CCDC33: variants seen among roughly 807,000 people sequenced by gnomAD.
The protein encoded by CCDC33 is coiled-coil domain containing 33, also known as coiled-coil domain-containing protein 33.
CCDC33 carries 94 observed loss-of-function variants against 91.9 expected under a neutral mutation model. The ratio of observed to expected loss-of-function variants is 1.02; its 90% CI spans 0.87 to 1.21. The LOEUF (loss-of-function observed/expected upper bound fraction) is 1.21. CCDC33 is among the 50% of genes most tolerant of loss of function. The probability of loss-of-function intolerance (pLI) is 0.00; values close to 1 mark genes in which losing one functional copy is unlikely to be tolerated. For synonymous variants in CCDC33, 396 were observed against 374.5 expected (o/e 1.06, Z -0.66); for missense variants, 940 against 935.5 (o/e 1.00, Z -0.06).
chr15:74,326,168 T>A (rs763338114), intron 11 of CCDC33, among the ~76,000 whole-genome samples: 12 of 152,044 alleles, frequency 7.9e-5, no homozygotes, highest in Admixed American at 6.6e-5. Flanking sequence ...TTACAAAAAA[T>A]TTAAAAATTA....
At chr15:74,235,903 G>A (rs774721383), upstream of CCDC33, among the ~76,000 whole-genome samples, 16 of 151,696 alleles carry the variant, frequency 1.1e-4, no homozygotes, top group Non-Finnish European at 1.6e-4. Context: ...TTCTCTCCCC[G>A]ATCTTCCCAC....
At chr15:74,299,177 T>C (rs1224471061) in intron 11 of CCDC33, among the ~76,000 whole-genome samples, 1 of 152,168 alleles carries the variant, frequency 6.6e-6, no homozygotes, top group African/African-American at 2.4e-5. Context: ...GAGAACTCAC[T>C]CAAGCATGCC....
chr15:74,296,845 A>T (rs1461592217), intron 11 of CCDC33, among the ~76,000 whole-genome samples: 2 of 152,176 alleles, frequency 1.3e-5, no homozygotes, highest in Non-Finnish European at 2.9e-5. Flanking sequence ...CCAAAGAGAC[A>T]GTCCAGGGAG....
intron 11 of CCDC33, among the ~76,000 whole-genome samples, chr15:74,306,653 GA>G (rs1179690472): frequency 6.6e-6 from 1 of 152,146 alleles, no homozygotes; most frequent in Admixed American, 6.5e-5. Context: ...TGTATTAATG[GA>G]GCGAATGCCT....
rs766863738 is a variant in CCDC33 at position 74,330,991 on chromosome 15, G to C, written c.1556G>C (p.Arg519Pro). 7.6e-6 allele frequency: 12 copies of C among 1,589,096 alleles called. No homozygotes were observed. The highest frequency in any genetic ancestry group is 1.1e-5 in the South Asian group (1 of 86,958). Residue 519 changes from arginine (R) to proline (P), a missense_variant, in exon 14 of 19, where the codon CGA (arginine) becomes CCA (proline). Physicochemically the swap from Arg to Pro is moderately radical, Grantham distance 103. Transcript: ENST00000398814. ...LQNELIRKND[R>P]EKELLLLYQA... ...TCCCCCATCTCACAGAAGAATGATC[G>C]AGAGAAGGAGCTGCTCCTTCTGTAT... is the stretch of plus-strand genomic sequence containing the variant.
At position 74,244,196 on chromosome 15, in the gene CCDC33, G is replaced by A; in HGVS notation, c.185+48G>A. ...GGGCAGGGGATGGGTTGGGCTGTGA[G>A]CAGAAACCAGGGGACAGCTATTTGG... is the stretch of plus-strand genomic sequence containing the variant. On this transcript the variant is annotated intron_variant, in intron 2 of 18. Transcript: ENST00000398814. The surrounding 1 kb of genome is among the most constrained non-coding windows in gnomAD (Gnocchi z 4.2). The A allele has an allele frequency of 6.4e-7, 1 of 1,573,166 alleles. No homozygotes were observed. Among genetic ancestry groups the A allele is most frequent in the Non-Finnish European group, 8.6e-7 (1 of 1,156,518 alleles).
chr15:74,333,811 ATGGT>A, intron 16 of CCDC33, 66 bp from the exon 17 acceptor site: 2 of 1,306,702 alleles, frequency 1.5e-6, no homozygotes. Context: ...TCAATACCTT[ATGGT>A]TTCCCAAGCT....
At chr15:74,258,198 A>G (rs2075923508) in intron 2 of CCDC33, among the ~76,000 whole-genome samples, 1 of 152,084 alleles carries the variant, frequency 6.6e-6, no homozygotes, top group Non-Finnish European at 1.5e-5. Flanking sequence ...CTTATCCACT[A>G]TTCCCAGTGC....
At chr15:74,268,554 A>G in intron 5 of CCDC33, 96 bp downstream of exon 5, 2 of 902,564 alleles carry the variant, frequency 2.2e-6, no homozygotes, top group South Asian at 2.7e-5. Flanking sequence ...CCTCTGGCTG[A>G]CCTGAGGGTG....
intron 7 of CCDC33, among the ~76,000 whole-genome samples, chr15:74,274,417 T>C (rs1213990810): frequency 3.9e-5 from 6 of 152,180 alleles, no homozygotes; most frequent in African/African-American, 1.4e-4. Flanking sequence ...TGGAGGTCCC[T>C]CCTATTGTCT....
intron 13 of CCDC33, 66 bp from the exon 14 acceptor site, chr15:74,330,915 C>G (rs976930496): frequency 1.2e-5 from 19 of 1,542,424 alleles, no homozygotes; most frequent in Non-Finnish European, 1.7e-5. Context: ...CCGAGGTGGA[C>G]CCTCAGGGCC....
chr15:74,282,703 C>A (rs1357905551), intron 10 of CCDC33, among the ~76,000 whole-genome samples: 1 of 152,176 alleles, frequency 6.6e-6, no homozygotes, highest in Non-Finnish European at 1.5e-5. Flanking sequence ...TTTTGGAATT[C>A]TGTCTACCAC....
chr15:74,326,394 A>G (rs2060310548), intron 11 of CCDC33, among the ~76,000 whole-genome samples: 1 of 152,260 alleles, frequency 6.6e-6, no homozygotes, highest in African/African-American at 2.4e-5. Flanking sequence ...CCTGTGTGCC[A>G]GAGCCTGGGC....
intron 11 of CCDC33, among the ~76,000 whole-genome samples, chr15:74,304,908 AC>A (rs796436547): frequency 3.4e-5 from 5 of 147,680 alleles, no homozygotes; most frequent in African/African-American, 1.3e-4. Flanking sequence ...GGTACCCAAG[AC>A]CCCCGAATGG....
rs137980732 is a variant in CCDC33 at position 74,240,637 on chromosome 15, A to G, written c.22-3348A>G. ...GTTGTTGTTGTTGGAGTCTCACTCTATCACCCAGGCTGGAGTACCATCTTG... is the reference window on the plus strand; with the variant it reads ...GTTGTTGTTGTTGGAGTCTCACTCTGTCACCCAGGCTGGAGTACCATCTTG... On this transcript the variant is annotated intron_variant, in intron 1 of 18. Coordinates refer to ENST00000398814, the MANE Select transcript of CCDC33 (RefSeq NM_025055.5). Among the ~76,000 whole-genome samples, 693 of 152,158 alleles carry G rather than the reference A, an allele frequency of 4.6e-3. 1 individual carries two copies. Among genetic ancestry groups the G allele is most frequent in the Middle Eastern group, 6.8e-3 (2 of 294 alleles).
chr15:74,234,658 A>G (rs986755939), upstream of CCDC33, among the ~76,000 whole-genome samples: 2 of 152,150 alleles, frequency 1.3e-5, no homozygotes, highest in Non-Finnish European at 2.9e-5. Context: ...CCAGTGCCCA[A>G]TCGCATTATC....
At position 74,236,379 on chromosome 15, in the gene CCDC33, G is replaced by A. The variant is rs529116240; in HGVS notation, c.-341G>A. The A allele has an allele frequency of 7.6e-5, 24 of 313,930 alleles. No individual in the cohort carries two copies. Among genetic ancestry groups the A allele is most frequent in the East Asian group, 6.6e-4 (12 of 18,184 alleles). The allele number at this position is 313,930 out of a possible 1,614,324, so 19.4% of individuals were successfully genotyped here. Reference sequence around the variant, plus strand: ...GGCCCCCCTGCCCCATCTCTCCACCGTCCTAGGTGTGCCAAGAGTCAATTG... The same window carrying A: ...GGCCCCCCTGCCCCATCTCTCCACCATCCTAGGTGTGCCAAGAGTCAATTG... On this transcript the variant is annotated 5_prime_UTR_variant, in exon 1 of 19. Transcript: ENST00000398814.
At chr15:74,232,236 A>G (rs568155475), upstream of CCDC33, among the ~76,000 whole-genome samples, 295 of 152,262 alleles carry the variant, frequency 1.9e-3, no homozygotes, top group Non-Finnish European at 3.6e-3. Context: ...CACAGCAGGT[A>G]TATCAGCCAG....
intron 8 of CCDC33, among the ~76,000 whole-genome samples, chr15:74,280,465 T>C (rs1453409842): frequency 6.6e-6 from 1 of 152,162 alleles, no homozygotes; most frequent in African/African-American, 2.4e-5. Flanking sequence ...CTGATGTATA[T>C]AAATTCCCAG....
Sources: allele counts gnomAD v4.1 joint callset (sites outside exome capture counted in the v4.1 genomes callset), GRCh38; gene constraint gnomAD v4.1.1; non-coding constraint Gnocchi (gnomAD v3.1); transcripts MANE v1.5; gene names NCBI Gene and HGNC (gene_info 2026-07-23, HGNC 2026-07-21).